Variants in ABTB2 observed in about 807,000 individuals in gnomAD.
The protein encoded by ABTB2 is ankyrin repeat and BTB domain containing 2.
ABTB2 carries 56 observed loss-of-function variants against 104.1 expected under a neutral mutation model. The observed-to-expected ratio is 0.54, with a 90% CI of 0.43 to 0.67. ABTB2 has a LOEUF of 0.67. ABTB2 is among the 30% of genes least tolerant of loss of function. The pLI is 0.00. For synonymous variants in ABTB2, 606 were observed against 608.2 expected, an observed-to-expected ratio of 1.00 and a Z score of 0.05; for missense variants, 1,279 against 1,407.7, an observed-to-expected ratio of 0.91 and a Z score of 1.46.
chr11:34,313,256 C>T (rs1854880375), intron 1 of ABTB2, among the ~76,000 whole-genome samples: 1 of 152,230 alleles, frequency 6.6e-6, no homozygotes, highest in Admixed American at 6.5e-5. Context: ...TGACCAGACA[C>T]CCCAACCGCT....
chr11:34,230,354 T>A (rs1330965191), intron 1 of ABTB2, among the ~76,000 whole-genome samples: 1 of 152,194 alleles, frequency 6.6e-6, no homozygotes, highest in Non-Finnish European at 1.5e-5. Flanking sequence ...GGGTTGTACC[T>A]GGGTTTGAAT....
intron 1 of ABTB2, among the ~76,000 whole-genome samples, chr11:34,313,921 G>A (rs906062523): frequency 6.6e-6 from 1 of 152,206 alleles, no homozygotes; most frequent in African/African-American, 2.4e-5. Flanking sequence ...CACTGCTGAC[G>A]TTAAGGCCGA....
intron 3 of ABTB2, among the ~76,000 whole-genome samples, chr11:34,178,776 T>C (rs1410512635): frequency 6.6e-6 from 1 of 152,132 alleles, no homozygotes; most frequent in Non-Finnish European, 1.5e-5. Context: ...CAGGACTCTA[T>C]ATATACTCTT....
chr11:34,302,054 A>G (rs924248532), intron 1 of ABTB2, among the ~76,000 whole-genome samples: 2 of 152,240 alleles, frequency 1.3e-5, no homozygotes, highest in Non-Finnish European at 2.9e-5. Context: ...TAGAAAATAC[A>G]TAGAAGATAA....
chr11:34,246,577 G>C (rs1258507316), intron 1 of ABTB2, among the ~76,000 whole-genome samples: 1 of 99,910 alleles, frequency 1.0e-5, no homozygotes, highest in Non-Finnish European at 1.9e-5. Flanking sequence ...CTCCAGCCTG[G>C]GCAATAAGAG....
At chr11:34,334,614 A>C (rs540707035) in intron 1 of ABTB2, among the ~76,000 whole-genome samples, 14 of 152,274 alleles carry the variant, frequency 9.2e-5, no homozygotes, top group African/African-American at 3.4e-4. Flanking sequence ...ATCTACATGC[A>C]TCTAAACCAT....
At chr11:34,259,802 A>G (rs1854167064) in intron 1 of ABTB2, among the ~76,000 whole-genome samples, 1 of 152,120 alleles carries the variant, frequency 6.6e-6, no homozygotes, top group African/African-American at 2.4e-5. Context: ...CTTCCCCTAA[A>G]TAAACTTTAT....
intron 1 of ABTB2, among the ~76,000 whole-genome samples, chr11:34,343,992 C>T (rs910300284): frequency 6.6e-6 from 1 of 152,132 alleles, no homozygotes; most frequent in African/African-American, 2.4e-5. Flanking sequence ...CCCTCCTGAG[C>T]AGCCGAGGTC....
At chr11:34,204,317 A>G (rs1853379008) in intron 2 of ABTB2, among the ~76,000 whole-genome samples, 1 of 152,186 alleles carries the variant, frequency 6.6e-6, no homozygotes, top group African/African-American at 2.4e-5. Flanking sequence ...GGAATGGGGT[A>G]CCATGTTGCT....
chr11:34,236,104 G>A (rs1325964566), intron 1 of ABTB2, among the ~76,000 whole-genome samples: 1 of 152,166 alleles, frequency 6.6e-6, no homozygotes, highest in African/African-American at 2.4e-5. Flanking sequence ...GTAAAGGCCA[G>A]GTGGGAAGTC....
Position 34,322,474 on chromosome 11 carries a change from C to T in ABTB2, c.883+34227G>A, listed in dbSNP as rs187723343. Among the ~76,000 whole-genome samples the T allele has an allele frequency of 3.3e-5, 5 of 152,190 alleles. No individual in the cohort carries two copies. In the East Asian group the frequency reaches 9.7e-4, roughly 29 times the overall value. On this transcript the variant is annotated intron_variant, in intron 1 of 16. Transcript: ENST00000435224. The stretch of plus-strand genomic sequence containing the variant: ...CCTGTAATCCCAGCTACTAGGAAGG[C>T]TGAGGCAGGACAATCACTTGAACCT...
At chr11:34,331,447 A>G (rs1390532436) in intron 1 of ABTB2, among the ~76,000 whole-genome samples, 1 of 152,174 alleles carries the variant, frequency 6.6e-6, no homozygotes, top group Non-Finnish European at 1.5e-5. Context: ...ACTGTAGCCT[A>G]TATACCAGCC....
chr11:34,183,217 C>T (rs1236070328), intron 3 of ABTB2, among the ~76,000 whole-genome samples: 1 of 152,136 alleles, frequency 6.6e-6, no homozygotes, highest in Admixed American at 6.5e-5. Context: ...TCTCCTGCCT[C>T]ATCCTCCCAA....
intron 14 of ABTB2, among the ~76,000 whole-genome samples, chr11:34,157,637 A>G (rs533381673): frequency 6.6e-6 from 1 of 152,296 alleles, no homozygotes; most frequent in Non-Finnish European, 1.5e-5. Context: ...AGTTGGATTA[A>G]GGGGTGAGAA....
At chr11:34,270,256 C>G (rs996622487) in intron 1 of ABTB2, among the ~76,000 whole-genome samples, 3 of 152,094 alleles carry the variant, frequency 2.0e-5, no homozygotes, top group Admixed American at 6.6e-5. Context: ...GGTGGGTGGG[C>G]AGCTTCCTGC....
chr11:34,166,387 T>C (rs1302100591), intron 7 of ABTB2, among the ~76,000 whole-genome samples: 1 of 152,214 alleles, frequency 6.6e-6, no homozygotes, highest in Admixed American at 6.5e-5. Context: ...TAGGCACGGA[T>C]CCAGGCAAGC....
chr11:34,302,131 C>T (rs78499881), intron 1 of ABTB2, among the ~76,000 whole-genome samples: 47 of 152,322 alleles, frequency 3.1e-4, no homozygotes, highest in African/African-American at 8.9e-4. Context: ...CTACACCTCA[C>T]GTATGTGTAT....
intron 14 of ABTB2, among the ~76,000 whole-genome samples, chr11:34,158,463 ACT>A (rs1210070475): frequency 6.6e-6 from 1 of 151,842 alleles, no homozygotes; most frequent in South Asian, 2.1e-4. Flanking sequence ...CTTCTGTGAG[ACT>A]CTGGGGTTTG....
chr11:34,251,548 C>T (rs1010653329), intron 1 of ABTB2, among the ~76,000 whole-genome samples: 1 of 152,210 alleles, frequency 6.6e-6, no homozygotes, highest in African/African-American at 2.4e-5. Flanking sequence ...AGGATGTCAG[C>T]TATGCTGGGG....
Sources: allele counts gnomAD v4.1 joint callset (sites outside exome capture counted in the v4.1 genomes callset), GRCh38; gene constraint gnomAD v4.1.1; transcripts MANE v1.5; gene names NCBI Gene and HGNC (gene_info 2026-07-23, HGNC 2026-07-21).